CACNA2D1: variants seen among roughly 807,000 people sequenced by gnomAD.
CACNA2D1 encodes voltage-dependent calcium channel subunit alpha-2/delta-1.
A neutral mutation model predicts 171.5 loss-of-function variants in CACNA2D1; 53 were observed. That is an observed-to-expected ratio of 0.31 (90% CI 0.25 to 0.39). The LOEUF (loss-of-function observed/expected upper bound fraction) is 0.39. Ranked by LOEUF, CACNA2D1 falls within the 10% of genes least tolerant of loss-of-function variation. CACNA2D1 has a pLI of 1.00. For synonymous variants in CACNA2D1, 442 were observed against 443.1 expected (o/e 1.00, Z 0.03); for missense variants, 903 against 1,299.8 (o/e 0.69, Z 4.69).
intron 1 of CACNA2D1, among the ~76,000 whole-genome samples, chr7:82,371,048 G>C (rs762188334): frequency 2.0e-5 from 3 of 152,160 alleles, no homozygotes; most frequent in Non-Finnish European, 2.9e-5. Flanking sequence ...CATGTGAACT[G>C]TTAATAATAA....
chr7:82,218,968 G>A (rs1251001237), intron 3 of CACNA2D1, among the ~76,000 whole-genome samples: 1 of 151,894 alleles, frequency 6.6e-6, no homozygotes. Context: ...TTGCCTAAAT[G>A]GTCTTCATGG....
chr7:82,185,086 T>C (rs912410926), intron 3 of CACNA2D1, among the ~76,000 whole-genome samples: 5 of 152,162 alleles, frequency 3.3e-5, no homozygotes, highest in African/African-American at 1.2e-4. Flanking sequence ...CAACTTGCTC[T>C]CAACATCACG....
chr7:82,189,907 A>G (rs1182633024), intron 3 of CACNA2D1, among the ~76,000 whole-genome samples: 3 of 151,964 alleles, frequency 2.0e-5, no homozygotes, highest in Non-Finnish European at 4.4e-5. Flanking sequence ...TGTAAAAGTT[A>G]TTAATAAAAG....
chr7:82,014,580 T>C lies in CACNA2D1; in HGVS notation c.1144-101A>G, dbSNP rs895505677. 7.0e-6 allele frequency: 5 copies of C among 718,452 alleles called. No homozygotes were observed. In the Admixed American group the frequency reaches 8.2e-5, roughly 12 times the overall value. 44.5% of individuals were successfully genotyped at this position (718,452 alleles called of 1,614,324 possible). A position where few individuals can be genotyped will look rare whatever the true frequency, so the allele number is the denominator to read the frequency against. On this transcript the variant is annotated intron_variant, in intron 12 of 38. Transcript: ENST00000356860. ...TTCTATTGAAAAGAGTGCTTTCCAG[T>C]TGAATGATATGACAAGAAAAACTGA...
chr7:82,403,169 A>G (rs1826630522), intron 1 of CACNA2D1, among the ~76,000 whole-genome samples: 1 of 152,166 alleles, frequency 6.6e-6, no homozygotes, highest in Non-Finnish European at 1.5e-5. Context: ...GAGGACGGAG[A>G]TAAAAAGGGG....
intron 3 of CACNA2D1, among the ~76,000 whole-genome samples, chr7:82,314,020 T>C (rs1375156519): frequency 2.0e-5 from 3 of 152,212 alleles, no homozygotes; most frequent in African/African-American, 7.2e-5. Context: ...CATTTTTACA[T>C]ATATCCAGTG....
At chr7:81,986,051 T>C (rs1796932391) in intron 21 of CACNA2D1, among the ~76,000 whole-genome samples, 1 of 152,208 alleles carries the variant, frequency 6.6e-6, no homozygotes, top group Admixed American at 6.5e-5. Context: ...ATAACACAAC[T>C]GCATATGTGT....
chr7:82,150,291 A>AAAC (rs1793709153), intron 4 of CACNA2D1, among the ~76,000 whole-genome samples: 1 of 143,756 alleles, frequency 7.0e-6, no homozygotes. Flanking sequence ...ACAAAAAAAA[A>AAAC]CACCCTAGTA....
intron 3 of CACNA2D1, among the ~76,000 whole-genome samples, chr7:82,278,301 G>T (rs1054085131): frequency 6.6e-6 from 1 of 152,056 alleles, no homozygotes; most frequent in South Asian, 2.1e-4. Context: ...CTTCCTGGCT[G>T]GGCGCAGTGG....
At chr7:82,278,093 G>C (rs949990805) in intron 3 of CACNA2D1, among the ~76,000 whole-genome samples, 1 of 151,900 alleles carries the variant, frequency 6.6e-6, no homozygotes, top group Non-Finnish European at 1.5e-5. Context: ...TGACAACAAG[G>C]CTCCTCTCTC....
At chr7:82,270,874 T>C (rs944192551) in intron 3 of CACNA2D1, among the ~76,000 whole-genome samples, 4 of 152,160 alleles carry the variant, frequency 2.6e-5, no homozygotes, top group African/African-American at 9.6e-5. Context: ...ACTACTCTTA[T>C]GTCCCATTTC....
At chr7:82,229,025 TA>T (rs1297462294) in intron 3 of CACNA2D1, among the ~76,000 whole-genome samples, 1 of 152,190 alleles carries the variant, frequency 6.6e-6, no homozygotes, top group Non-Finnish European at 1.5e-5. Context: ...CTTGGCTTTT[TA>T]AAAAATTTGG....
intron 1 of CACNA2D1, among the ~76,000 whole-genome samples, chr7:82,435,492 G>A (rs1051871368): frequency 6.6e-6 from 1 of 152,084 alleles, no homozygotes. Flanking sequence ...CTACATGTTA[G>A]AGATCTAAAA....
intron 3 of CACNA2D1, among the ~76,000 whole-genome samples, chr7:82,316,079 TAA>T (rs1050822750): frequency 4.6e-5 from 7 of 152,110 alleles, no homozygotes; most frequent in African/African-American, 1.7e-4. Flanking sequence ...TGACAAATGA[TAA>T]GTTTGCTTAT....
intron 3 of CACNA2D1, among the ~76,000 whole-genome samples, chr7:82,170,966 C>T (rs146682452): frequency 2.0e-5 from 3 of 151,870 alleles, no homozygotes; most frequent in Non-Finnish European, 2.9e-5. Flanking sequence ...TTAGTAAATA[C>T]CTTTGGAGCA....
chr7:82,066,412 TC>T (rs1807609781), intron 8 of CACNA2D1, 42 bp downstream of exon 8: 1 of 1,607,582 alleles, frequency 6.2e-7, no homozygotes, highest in South Asian at 1.1e-5. Flanking sequence ...ATATATATCT[TC>T]TTGCCTATTT....
intron 7 of CACNA2D1, among the ~76,000 whole-genome samples, chr7:82,070,842 G>T (rs1554390273): frequency 6.6e-6 from 1 of 152,076 alleles, no homozygotes; most frequent in Non-Finnish European, 1.5e-5. Context: ...TTAAAAATGA[G>T]TAATATCCAG....
At chr7:82,061,756 G>C (rs1298223248) in intron 9 of CACNA2D1, among the ~76,000 whole-genome samples, 3 of 152,130 alleles carry the variant, frequency 2.0e-5, no homozygotes, top group East Asian at 1.9e-4. Context: ...ACAGTTTGAT[G>C]GGCAGGGGAC....
chr7:82,387,778 C>A (rs1459788199), intron 1 of CACNA2D1, among the ~76,000 whole-genome samples: 1 of 152,030 alleles, frequency 6.6e-6, no homozygotes, highest in Non-Finnish European at 1.5e-5. Flanking sequence ...GAAGTTGTGC[C>A]TGTTCAAATT....
Sources: gnomAD v4.1 joint callset for allele counts (sites outside exome capture counted in the v4.1 genomes callset) on GRCh38, gnomAD v4.1.1 for gene constraint, MANE v1.5 for transcripts, NCBI Gene and HGNC (gene_info 2026-07-23, HGNC 2026-07-21) for gene names.